The following PDE4B variants were observed in gnomAD, a reference collection of about 807,000 sequenced individuals.
PDE4B encodes the protein phosphodiesterase 4B.
In PDE4B, 20 loss-of-function variants were observed where a neutral mutation model predicts 82.2. The observed-to-expected ratio is 0.24, with a 90% confidence interval of 0.17 to 0.35. The LOEUF is 0.35. Ranked by LOEUF, PDE4B falls within the 10% of genes least tolerant of loss-of-function variation. PDE4B has a pLI of 1.00. For missense variants in PDE4B, 655 were observed against 907.2 expected (o/e 0.72, Z 3.57); for synonymous variants, 320 against 318.9 (o/e 1.00, Z -0.04).
chr1:65,884,478 A>C (rs1646748995), intron 1 of PDE4B, among the ~76,000 whole-genome samples: 2 of 152,164 alleles, frequency 1.3e-5, no homozygotes, highest in Non-Finnish European at 2.9e-5. Context: ...GGCCATGGTA[A>C]CCAAAACAGC....
intron 3 of PDE4B, among the ~76,000 whole-genome samples, chr1:66,019,599 C>T (rs910826313): frequency 2.0e-5 from 3 of 151,962 alleles, no homozygotes; most frequent in Non-Finnish European, 4.4e-5. Context: ...TGTGATCCGC[C>T]CCCTTGACCT....
intron 3 of PDE4B, among the ~76,000 whole-genome samples, chr1:66,213,777 A>T (rs1037787047): frequency 9.2e-5 from 14 of 152,300 alleles, no homozygotes; most frequent in African/African-American, 3.4e-4. Flanking sequence ...TGGCTCCAGT[A>T]TAGATTTAGT....
intron 3 of PDE4B, among the ~76,000 whole-genome samples, chr1:66,235,181 T>G (rs1332937033): frequency 6.6e-6 from 1 of 152,234 alleles, no homozygotes; most frequent in Non-Finnish European, 1.5e-5. Flanking sequence ...ACGTCAGCTA[T>G]TTTGGTGACG....
chr1:66,090,723 G>GTATATGTATGTATATATACATA (rs897562897), intron 3 of PDE4B, among the ~76,000 whole-genome samples: 2 of 83,500 alleles, frequency 2.4e-5, no homozygotes, highest in Admixed American at 1.2e-4. Flanking sequence ...GTGTGTATAT[G>GTATATGTATGTATATATACATA]TATATGTATG....
intron 3 of PDE4B, among the ~76,000 whole-genome samples, chr1:66,119,508 C>CTG (rs374334960): frequency 1.3e-5 from 2 of 151,502 alleles, no homozygotes; most frequent in Admixed American, 1.3e-4. Flanking sequence ...ATAATATTGT[C>CTG]TAGCATTCTC....
rs1039866084 is a variant in PDE4B at position 66,339,757 on chromosome 1, G to A, written c.747+7137G>A. Among the ~76,000 whole-genome samples the A allele has an allele frequency of 6.6e-5, 10 of 151,592 alleles. No homozygotes were observed. In the East Asian group the frequency reaches 7.7e-4, roughly 12 times the overall value. ...AGTCTTCAAAAATAGAATTCAACCC[G>A]TTAGCAGAATAAATGTTTAGTCTCC... On this transcript the variant is annotated intron_variant, in intron 8 of 16. Transcript: ENST00000341517.
intron 3 of PDE4B, among the ~76,000 whole-genome samples, chr1:66,165,722 T>A (rs1646716308): frequency 6.6e-6 from 1 of 151,954 alleles, no homozygotes; most frequent in Non-Finnish European, 1.5e-5. Flanking sequence ...CTACAAAACA[T>A]GGTGAAGAAT....
At chr1:66,219,693 A>G (rs1255405947) in intron 3 of PDE4B, among the ~76,000 whole-genome samples, 1 of 152,178 alleles carries the variant, frequency 6.6e-6, no homozygotes, top group Non-Finnish European at 1.5e-5. Flanking sequence ...TTATCCAAAT[A>G]AAACTACTAA....
At chr1:66,369,025 AG>A in intron 16 of PDE4B, 56 bp downstream of exon 16, 1 of 1,325,652 alleles carries the variant, frequency 7.5e-7, no homozygotes, top group South Asian at 1.4e-5. Flanking sequence ...ATAGAGCTGG[AG>A]GGTTCTATTT....
rs1451132128 is a variant in PDE4B, at chr1:66,228,468, C to CA, written c.282-18986dup. Among the ~76,000 whole-genome samples, 6 of 152,002 alleles carry CA rather than the reference C, an allele frequency of 3.9e-5. No homozygotes were observed. The East Asian group carries it at 5.8e-4, about 15-fold the overall frequency. ...TGAAACCCCATCTCTACTAAAAATACAAAAAATTAGCCAGACATGGTGGTG... is the reference window on the plus strand; with the variant it reads ...TGAAACCCCATCTCTACTAAAAATACAAAAAAATTAGCCAGACATGGTGGTG... On this transcript the variant is annotated intron_variant, in intron 3 of 16. Coordinates refer to ENST00000341517, the MANE Select transcript of PDE4B (RefSeq NM_002600.4).
In PDE4B at chr1:65,832,492, A is replaced by G. The variant is rs192005127; in HGVS notation, c.-71+39244A>G. On this transcript the variant is annotated intron_variant, in intron 1 of 16. Coordinates refer to ENST00000341517, the MANE Select transcript of PDE4B (RefSeq NM_002600.4). ...TTCTATGTGTCGAGCACAGAGCGGG[A>G]AGGCAAGACTGAGAGTTTTTGTGGC... 2.4e-3 allele frequency among the ~76,000 whole-genome samples: 358 copies of G among 152,298 alleles called. 1 individual carries two copies. The highest frequency in any genetic ancestry group is 8.3e-3 in the African/African-American group (345 of 41,582).
chr1:66,115,391 A>G (rs1283789091), intron 3 of PDE4B, among the ~76,000 whole-genome samples: 2 of 152,064 alleles, frequency 1.3e-5, no homozygotes, highest in Non-Finnish European at 2.9e-5. Context: ...GAGACTCACT[A>G]TGATAGAGAA....
At chr1:65,918,355 A>G (rs1194452523) in intron 2 of PDE4B, among the ~76,000 whole-genome samples, 1 of 152,220 alleles carries the variant, frequency 6.6e-6, no homozygotes, top group East Asian at 1.9e-4. Flanking sequence ...ACTAGTAAAC[A>G]TTATCTATAT....
At chr1:66,363,793 A>T (rs1191508395) in intron 12 of PDE4B, among the ~76,000 whole-genome samples, 2 of 152,164 alleles carry the variant, frequency 1.3e-5, no homozygotes, top group South Asian at 2.1e-4. Context: ...AAAAAAATTT[A>T]AAAAGTGCCT....
At position 66,224,909 on chromosome 1, in the gene PDE4B, G is replaced by A. The variant is rs572222516; in HGVS notation, c.282-22551G>A. Among the ~76,000 whole-genome samples the A allele has an allele frequency of 5.3e-5, 8 of 152,230 alleles. No homozygotes were observed. The South Asian group carries it at 6.2e-4, about 12-fold the overall frequency. ...TACTTAAACCTCCAAAACTATGCCC[G>A]TCTGTCGCATTCTTACTGAGAAAAT... On this transcript the variant is annotated intron_variant, in intron 3 of 16. Coordinates refer to ENST00000341517, the MANE Select transcript of PDE4B (RefSeq NM_002600.4).
intron 1 of PDE4B, among the ~76,000 whole-genome samples, chr1:65,839,750 A>G (rs1178992524): frequency 6.6e-6 from 1 of 152,116 alleles, no homozygotes; most frequent in African/African-American, 2.4e-5. Context: ...ATGTGTCTTT[A>G]TAGTAGAATG....
Position 66,247,558 on chromosome 1 carries a change from A to G in PDE4B, c.380A>G (p.His127Arg). 6.2e-7 allele frequency: 1 copy of G among 1,612,806 alleles called. No homozygotes were observed. Residue 127 changes from histidine (H) to arginine (R), a missense_variant, in exon 4 of 17, where the codon CAC becomes CGC. His to Arg is a conservative substitution (Grantham distance 29, BLOSUM62 0). Transcript: ENST00000341517. Reference protein sequence around the residue: ...GLVLHATFPGHSQRRESFLYR... With the variant: ...GLVLHATFPGRSQRRESFLYR... ...GTACTTCACGCCACCTTTCCTGGGC[A>G]CAGCCAGCGCAGAGAGTCATTTCTC...
At chr1:66,340,192 C>T (rs191742466) in intron 8 of PDE4B, among the ~76,000 whole-genome samples, 95 of 152,296 alleles carry the variant, frequency 6.2e-4, no homozygotes, top group Non-Finnish European at 1.0e-3. Context: ...CTCACTTGTA[C>T]GTGATGTTTC....
intron 3 of PDE4B, among the ~76,000 whole-genome samples, chr1:66,088,564 A>G (rs759343440): frequency 7.9e-5 from 12 of 151,940 alleles, no homozygotes; most frequent in Non-Finnish European, 1.3e-4. Context: ...ATTTTTTGCT[A>G]CTGTGTCAGA....
Sources: allele counts gnomAD v4.1 joint callset (sites outside exome capture counted in the v4.1 genomes callset), GRCh38; gene constraint gnomAD v4.1.1; transcripts MANE v1.5; gene names NCBI Gene and HGNC (gene_info 2026-07-23, HGNC 2026-07-21).